Variants in OSBP2 observed in about 807,000 individuals in gnomAD.
OSBP2 encodes the protein oxysterol-binding protein 2.
In OSBP2, 66 loss-of-function variants were observed where a neutral mutation model predicts 96.0. The observed-to-expected ratio is 0.69, with a 90% CI of 0.56 to 0.84. The LOEUF (loss-of-function observed/expected upper bound fraction) is 0.84. Among genes scored for constraint, OSBP2 ranks in the 40% least tolerant of loss-of-function variants. OSBP2 has a pLI of 0.00. For synonymous variants in OSBP2, 525 were observed against 520.9 expected, an observed-to-expected ratio of 1.01 and a Z score of -0.11; for missense variants, 1,038 against 1,222.7, an observed-to-expected ratio of 0.85 and a Z score of 2.25.
In OSBP2 at chr22:30,837,445, T is replaced by C. The variant is rs2038659367; in HGVS notation, c.854-32984T>C. On this transcript the variant is annotated intron_variant, in intron 2 of 13. Coordinates refer to ENST00000332585, the MANE Select transcript of OSBP2 (RefSeq NM_030758.4). The stretch of plus-strand genomic sequence containing the variant: ...GTCCCCATGAGAAGGAGGTGGGCCA[T>C]TCTACCTAGCAGTGCTGTGCACTGG... Among the ~76,000 whole-genome samples the C allele has an allele frequency of 3.3e-5, 5 of 152,150 alleles. No homozygotes were observed. The South Asian group carries it at 1.0e-3, about 32-fold the overall frequency.
At chr22:30,716,530 C>T (rs1184947564) in intron 1 of OSBP2, among the ~76,000 whole-genome samples, 1 of 151,610 alleles carries the variant, frequency 6.6e-6, no homozygotes, top group Non-Finnish European at 1.5e-5. Flanking sequence ...CTCCGCCTCC[C>T]AGGTTCAAGC....
chr22:30,726,052 T>C (rs1001892702), intron 1 of OSBP2, among the ~76,000 whole-genome samples: 2 of 152,120 alleles, frequency 1.3e-5, no homozygotes, highest in African/African-American at 4.8e-5. Flanking sequence ...AGTGCTGGGA[T>C]TACAGGCATG....
At chr22:30,859,941 C>G (rs942280131) in intron 2 of OSBP2, among the ~76,000 whole-genome samples, 3 of 152,038 alleles carry the variant, frequency 2.0e-5, no homozygotes, top group Non-Finnish European at 4.4e-5. Flanking sequence ...CCCCCGGCCC[C>G]TCTCTGCAGA....
intron 2 of OSBP2, among the ~76,000 whole-genome samples, chr22:30,741,784 G>A (rs2089940642): frequency 6.6e-6 from 1 of 152,106 alleles, no homozygotes; most frequent in Admixed American, 6.6e-5. Flanking sequence ...AGCCCGCTCA[G>A]ATGTCCTGAG....
intron 3 of OSBP2, among the ~76,000 whole-genome samples, chr22:30,884,701 A>G (rs1176412808): frequency 6.6e-6 from 1 of 151,822 alleles, no homozygotes; most frequent in Non-Finnish European, 1.5e-5. Context: ...GGGGTGGGCG[A>G]GTCCCCAGGC....
chr22:30,873,858 C>G (rs1161264774), intron 3 of OSBP2, among the ~76,000 whole-genome samples: 1 of 152,214 alleles, frequency 6.6e-6, no homozygotes, highest in Non-Finnish European at 1.5e-5. Context: ...GCAGGCAGCT[C>G]TCTTCCTACA....
rs547907854 is a variant in OSBP2, at chr22:30,727,586, C to T, written c.645-13575C>T. Among the ~76,000 whole-genome samples, 90 of 152,296 alleles carry T rather than the reference C, an allele frequency of 5.9e-4. 1 individual carries two copies. The highest frequency in any genetic ancestry group is 4.4e-5 in the Non-Finnish European group (3 of 68,022). On this transcript the variant is annotated intron_variant, in intron 1 of 13. Transcript: ENST00000332585. ...CAGAGAGGACACTGATACCTGGACA[C>T]TGCATGTTGATGCCACCTGGGCACT... is the stretch of plus-strand genomic sequence containing the variant.
At chr22:30,828,937 AGG>A (rs2038463181) in intron 2 of OSBP2, among the ~76,000 whole-genome samples, 1 of 152,112 alleles carries the variant, frequency 6.6e-6, no homozygotes, top group Non-Finnish European at 1.5e-5. Flanking sequence ...GAGGGAAAAG[AGG>A]GTCATGATGG....
At chr22:30,735,814 C>A (rs1366101093) in intron 1 of OSBP2, among the ~76,000 whole-genome samples, 3 of 152,044 alleles carry the variant, frequency 2.0e-5, no homozygotes, top group Non-Finnish European at 4.4e-5. Flanking sequence ...CCTCCTTCTC[C>A]CAAGTTTGAG....
At chr22:30,701,533 C>G (rs1006449218) in intron 1 of OSBP2, among the ~76,000 whole-genome samples, 1 of 151,870 alleles carries the variant, frequency 6.6e-6, no homozygotes, top group African/African-American at 2.4e-5. Context: ...TTAGTACAGA[C>G]GGGGTTTCAC....
chr22:30,897,204 T>C (rs1280684985), intron 12 of OSBP2, among the ~76,000 whole-genome samples: 1 of 152,164 alleles, frequency 6.6e-6, no homozygotes, highest in African/African-American at 2.4e-5. Flanking sequence ...ATTAAATTCC[T>C]CAAAAATAGA....
intron 2 of OSBP2, among the ~76,000 whole-genome samples, chr22:30,840,536 A>C (rs2147031551): frequency 6.6e-6 from 1 of 152,314 alleles, no homozygotes; most frequent in East Asian, 1.9e-4. Context: ...TCAGTTAGCC[A>C]CTTGAGTTCA....
chr22:30,748,069 G>T (rs1440584741), intron 2 of OSBP2, among the ~76,000 whole-genome samples: 2 of 151,758 alleles, frequency 1.3e-5, no homozygotes, highest in Non-Finnish European at 2.9e-5. Context: ...TAGAGGCAGG[G>T]TTTTACCATG....
intron 1 of OSBP2, among the ~76,000 whole-genome samples, chr22:30,719,640 G>T (rs1279119215): frequency 6.6e-6 from 1 of 151,602 alleles, no homozygotes; most frequent in Non-Finnish European, 1.5e-5. Flanking sequence ...GGTAATCCCA[G>T]CTACTTGGAA....
chr22:30,868,033 G>C lies in OSBP2; in HGVS notation c.854-2396G>C, dbSNP rs548981166. Among the ~76,000 whole-genome samples the C allele has an allele frequency of 1.3e-5, 2 of 152,264 alleles. 1 individual carries two copies. Among genetic ancestry groups the C allele is most frequent in the Admixed American group, 1.3e-4 (2 of 15,288 alleles). On this transcript the variant is annotated intron_variant, in intron 2 of 13. Transcript: ENST00000332585. ...CTAAAGCCAGAGACCTGGCTACTCA[G>C]GAATTTCCTCACCTCATGGCCCTGG...
chr22:30,784,688 C>A (rs2145814436), intron 2 of OSBP2, among the ~76,000 whole-genome samples: 1 of 152,254 alleles, frequency 6.6e-6, no homozygotes, highest in East Asian at 1.9e-4. Context: ...ATTTTGAATA[C>A]TCGTCTTCAC....
chr22:30,839,207 C>T (rs2038697085), intron 2 of OSBP2, among the ~76,000 whole-genome samples: 1 of 144,126 alleles, frequency 6.9e-6, no homozygotes, highest in African/African-American at 2.6e-5. Flanking sequence ...CATAGTATTC[C>T]ATGGTGTATA....
intron 1 of OSBP2, among the ~76,000 whole-genome samples, chr22:30,700,034 C>T (rs868113861): frequency 6.6e-6 from 1 of 150,780 alleles, no homozygotes; most frequent in African/African-American, 2.4e-5. Flanking sequence ...ACGATCTCGG[C>T]TCACTGTGAC....
chr22:30,701,372 C>A (rs1448836630), intron 1 of OSBP2, among the ~76,000 whole-genome samples: 4 of 126,896 alleles, frequency 3.2e-5, no homozygotes, highest in Non-Finnish European at 6.3e-5. Context: ...GAGACAGAGT[C>A]TCGCTCTGTA....
Sources: gnomAD v4.1 joint callset for allele counts (sites outside exome capture counted in the v4.1 genomes callset) on GRCh38, gnomAD v4.1.1 for gene constraint, MANE v1.5 for transcripts, NCBI Gene and HGNC (gene_info 2026-07-23, HGNC 2026-07-21) for gene names.